KCNH1: variants seen among roughly 807,000 people sequenced by gnomAD.
KCNH1 encodes voltage-gated delayed rectifier potassium channel KCNH1.
Under a neutral mutation model 69.2 loss-of-function variants are expected in KCNH1, and 27 were observed. The ratio of observed to expected loss-of-function variants is 0.39; its 90% CI spans 0.29 to 0.54. KCNH1 has a LOEUF of 0.54. Ranked by LOEUF, KCNH1 falls within the 20% of genes least tolerant of loss-of-function variation. KCNH1 has a pLI of 0.68. For missense variants in KCNH1, 798 were observed against 1,261.6 expected, an observed-to-expected ratio of 0.63 and a Z score of 5.57; for synonymous variants, 456 against 487.7, an observed-to-expected ratio of 0.93 and a Z score of 0.86.
chr1:211,119,551 A>G (rs1691649839), intron 1 of KCNH1, among the ~76,000 whole-genome samples: 1 of 151,142 alleles, frequency 6.6e-6, no homozygotes, highest in African/African-American at 2.4e-5. Flanking sequence ...AATTACTTCA[A>G]AAAAAAAAGA....
At chr1:210,745,696 C>T (rs1215236746) in intron 10 of KCNH1, among the ~76,000 whole-genome samples, 3 of 152,176 alleles carry the variant, frequency 2.0e-5, no homozygotes, top group Non-Finnish European at 2.9e-5. Flanking sequence ...CGCTCCCACC[C>T]GCCCCCAAGC....
At chr1:210,886,761 A>G (rs1055306837) in intron 7 of KCNH1, among the ~76,000 whole-genome samples, 7 of 152,040 alleles carry the variant, frequency 4.6e-5, no homozygotes, top group Non-Finnish European at 8.8e-5. Flanking sequence ...CACAAGTATC[A>G]GTAACTGAAT....
At chr1:210,684,537 T>C (rs948809239) in intron 10 of KCNH1, among the ~76,000 whole-genome samples, 9 of 152,158 alleles carry the variant, frequency 5.9e-5, no homozygotes, top group African/African-American at 2.2e-4. Flanking sequence ...GCCTTTCAAA[T>C]ATCACTTTTC....
At chr1:210,714,228 CA>C (rs1682154922) in intron 10 of KCNH1, among the ~76,000 whole-genome samples, 1 of 152,136 alleles carries the variant, frequency 6.6e-6, no homozygotes, top group East Asian at 1.9e-4. Flanking sequence ...AGCAGATTAC[CA>C]AACCCCTCCA....
At chr1:211,094,324 G>A (rs540557838) in intron 3 of KCNH1, among the ~76,000 whole-genome samples, 65 of 152,236 alleles carry the variant, frequency 4.3e-4, no homozygotes, top group African/African-American at 1.3e-3. Flanking sequence ...CTCAGCTGTC[G>A]CTCACCTCCT....
chr1:211,000,499 A>G (rs976071227), intron 6 of KCNH1, among the ~76,000 whole-genome samples: 17 of 152,330 alleles, frequency 1.1e-4, no homozygotes, highest in African/African-American at 3.8e-4. Flanking sequence ...ACCACTGCTC[A>G]ATGAAATAAA....
At chr1:210,773,710 T>C (rs773113595) in intron 10 of KCNH1, among the ~76,000 whole-genome samples, 4 of 152,138 alleles carry the variant, frequency 2.6e-5, no homozygotes, top group African/African-American at 4.8e-5. Flanking sequence ...CCTTTAGCTG[T>C]CCCCCTCCTT....
At chr1:210,831,568 T>C (rs997113194) in intron 7 of KCNH1, among the ~76,000 whole-genome samples, 2 of 152,174 alleles carry the variant, frequency 1.3e-5, no homozygotes, top group Non-Finnish European at 2.9e-5. Context: ...GGCCATGGCA[T>C]AGCACTTGAC....
At chr1:210,721,186 C>G (rs371990226) in intron 10 of KCNH1, among the ~76,000 whole-genome samples, 7 of 152,052 alleles carry the variant, frequency 4.6e-5, no homozygotes, top group African/African-American at 1.4e-4. Flanking sequence ...ATCTAGGAGC[C>G]CTTCCACCTG....
intron 9 of KCNH1, among the ~76,000 whole-genome samples, chr1:210,795,980 C>CAT (rs1684305682): frequency 6.7e-6 from 1 of 150,230 alleles, no homozygotes; most frequent in African/African-American, 2.4e-5. Flanking sequence ...CACACACACA[C>CAT]ACACACACAC....
chr1:210,870,901 G>C (rs2102494603), intron 7 of KCNH1, among the ~76,000 whole-genome samples: 1 of 152,258 alleles, frequency 6.6e-6, no homozygotes, highest in African/African-American at 2.4e-5. Context: ...GAACAATGCT[G>C]CCTTTAGATT....
At chr1:210,710,474 T>G (rs1303015536) in intron 10 of KCNH1, among the ~76,000 whole-genome samples, 1 of 152,094 alleles carries the variant, frequency 6.6e-6, no homozygotes, top group Non-Finnish European at 1.5e-5. Context: ...ACACTAAAGT[T>G]TTATATATAC....
Position 210,919,579 on chromosome 1 carries a change from T to C in KCNH1, c.1462+61A>G, listed in dbSNP as rs1190097213. ...CCTGATCCTGCTGGCACTGTAGCCA[T>C]TTCCCTGTTTCCAGCTAACAGAAGA... is the stretch of plus-strand genomic sequence containing the variant. On this transcript the variant is annotated intron_variant, in intron 7 of 10. Coordinates refer to ENST00000271751, the MANE Select transcript of KCNH1 (RefSeq NM_172362.3). The surrounding 1 kb of genome is among the most constrained non-coding windows in gnomAD (Gnocchi z 4.2). 4.8e-6 allele frequency: 7 copies of C among 1,449,726 alleles called. No homozygotes were observed. The highest frequency in any genetic ancestry group is 1.4e-5 in the African/African-American group (1 of 71,532). 89.8% of individuals were successfully genotyped at this position (1,449,726 alleles called of 1,614,324 possible). A position where few individuals can be genotyped will look rare whatever the true frequency, so the allele number is the denominator to read the frequency against.
At chr1:211,075,620 T>A (rs925804772) in intron 5 of KCNH1, among the ~76,000 whole-genome samples, 1 of 152,214 alleles carries the variant, frequency 6.6e-6, no homozygotes. Context: ...GGATCCAAGA[T>A]GGCCGAATAG....
At chr1:210,953,658 A>G (rs1264039803) in intron 6 of KCNH1, among the ~76,000 whole-genome samples, 2 of 152,160 alleles carry the variant, frequency 1.3e-5, no homozygotes, top group Non-Finnish European at 2.9e-5. Context: ...TTCTTTCTAA[A>G]ATTTTAATCG....
intron 6 of KCNH1, among the ~76,000 whole-genome samples, chr1:210,981,384 A>AAAAG (rs1688706805): frequency 6.6e-6 from 1 of 151,284 alleles, no homozygotes; most frequent in Non-Finnish European, 1.5e-5. Flanking sequence ...AAAAAAAAAA[A>AAAAG]AAAAAAAAGA....
At chr1:211,053,343 A>G (rs1177060465) in intron 5 of KCNH1, among the ~76,000 whole-genome samples, 3 of 152,234 alleles carry the variant, frequency 2.0e-5, no homozygotes, top group Non-Finnish European at 4.4e-5. Flanking sequence ...CATAACAGAA[A>G]TACAAACCAG....
At chr1:211,073,407 C>A (rs1318797733) in intron 5 of KCNH1, among the ~76,000 whole-genome samples, 1 of 152,156 alleles carries the variant, frequency 6.6e-6, no homozygotes, top group Non-Finnish European at 1.5e-5. Context: ...CTTTGTCCAA[C>A]AATAGCAGAA....
intron 5 of KCNH1, among the ~76,000 whole-genome samples, chr1:211,079,481 T>G (rs1359407175): frequency 1.3e-5 from 2 of 152,184 alleles, no homozygotes; most frequent in African/African-American, 4.8e-5. Context: ...GCCAGCATCA[T>G]CCTGATACCA....
Sources: gnomAD v4.1 joint callset for allele counts (sites outside exome capture counted in the v4.1 genomes callset) on GRCh38, gnomAD v4.1.1 for gene constraint, Gnocchi (gnomAD v3.1) non-coding constraint, MANE v1.5 for transcripts, NCBI Gene and HGNC (gene_info 2026-07-23, HGNC 2026-07-21) for gene names.